Variants in AXDND1 observed in about 807,000 individuals in gnomAD.
AXDND1 encodes axonemal dynein light chain domain-containing protein 1.
Under a neutral mutation model 137.5 loss-of-function variants are expected in AXDND1, and 110 were observed. The observed-to-expected ratio is 0.80, with a 90% confidence interval of 0.69 to 0.94. AXDND1 has a LOEUF of 0.94. Ranked by LOEUF, AXDND1 falls within the 40% of genes least tolerant of loss-of-function variation. The pLI, the probability that AXDND1 is intolerant of heterozygous loss-of-function variation, is 0.00. For synonymous variants in AXDND1, 414 were observed against 399.7 expected (o/e 1.04, Z -0.43); for missense variants, 1,191 against 1,169.8 (o/e 1.02, Z -0.26).
intron 12 of AXDND1, among the ~76,000 whole-genome samples, chr1:179,412,000 C>T (rs1653976043): frequency 6.6e-6 from 1 of 152,072 alleles, no homozygotes; most frequent in South Asian, 2.1e-4. Context: ...TACAGGTGTG[C>T]ACCACCACTC....
chr1:179,406,044 A>G (rs1558131630), intron 11 of AXDND1, among the ~76,000 whole-genome samples: 1 of 152,030 alleles, frequency 6.6e-6, no homozygotes, highest in Non-Finnish European at 1.5e-5. Flanking sequence ...CTTTTGCATT[A>G]TCCCATAGGC....
At chr1:179,542,054 G>C (rs915539272) in intron 25 of AXDND1, among the ~76,000 whole-genome samples, 12 of 152,074 alleles carry the variant, frequency 7.9e-5, no homozygotes, top group African/African-American at 2.4e-5. Context: ...GGGTAATAGA[G>C]GTTTGTAGGA....
intron 4 of AXDND1, among the ~76,000 whole-genome samples, chr1:179,374,689 G>T (rs1203645268): frequency 6.6e-6 from 1 of 152,102 alleles, no homozygotes; most frequent in Admixed American, 6.6e-5. Context: ...CATGGATGAA[G>T]CTGGAAACCG....
At chr1:179,391,947 G>A (rs538470278) in intron 9 of AXDND1, among the ~76,000 whole-genome samples, 2 of 152,132 alleles carry the variant, frequency 1.3e-5, no homozygotes, top group South Asian at 4.1e-4. Flanking sequence ...TGCCATGATT[G>A]TAAGTTTCCT....
chr1:179,504,947 A>G (rs894331662), intron 20 of AXDND1, among the ~76,000 whole-genome samples: 1 of 152,226 alleles, frequency 6.6e-6, no homozygotes, highest in African/African-American at 2.4e-5. Context: ...TCTCAAGGGT[A>G]TATCAAGCGA....
chr1:179,441,437 C>A (rs1273251455), intron 15 of AXDND1, among the ~76,000 whole-genome samples: 1 of 152,216 alleles, frequency 6.6e-6, no homozygotes, highest in African/African-American at 2.4e-5. Context: ...AAGCTCAGTT[C>A]CTACATCCTG....
intron 25 of AXDND1, chr1:179,543,704 C>G (rs1257583967): frequency 6.6e-6 from 1 of 152,184 alleles, no homozygotes; most frequent in Non-Finnish European, 1.5e-5. Context: ...TGACCACATT[C>G]TGTCCTGCCC....
intron 17 of AXDND1, among the ~76,000 whole-genome samples, chr1:179,481,968 A>G (rs1665450849): frequency 6.6e-6 from 1 of 152,112 alleles, no homozygotes; most frequent in African/African-American, 2.4e-5. Flanking sequence ...TTTAACCTAT[A>G]TCTTGAATCT....
intron 17 of AXDND1, among the ~76,000 whole-genome samples, chr1:179,469,465 T>C (rs991030199): frequency 8.5e-5 from 13 of 152,254 alleles, no homozygotes; most frequent in Non-Finnish European, 1.9e-4. Flanking sequence ...AATGTTTCAA[T>C]AAACATTCAT....
intron 12 of AXDND1, 53 bp from the exon 13 acceptor site, chr1:179,429,465 A>G: frequency 2.2e-6 from 2 of 924,358 alleles, no homozygotes; most frequent in Non-Finnish European, 3.2e-6. Context: ...GTAATAAATT[A>G]TAGTGGTTTG....
intron 18 of AXDND1, among the ~76,000 whole-genome samples, chr1:179,490,765 T>TG (rs1553293390): frequency 6.6e-6 from 1 of 151,694 alleles, no homozygotes; most frequent in Non-Finnish European, 1.5e-5. Context: ...AGTACTTGTT[T>TG]TTTTTTTTTT....
intron 17 of AXDND1, among the ~76,000 whole-genome samples, chr1:179,482,866 T>C (rs1309087152): frequency 6.6e-6 from 1 of 151,460 alleles, no homozygotes; most frequent in Non-Finnish European, 1.5e-5. Flanking sequence ...GTTTTTACAG[T>C]AGAGAGCTAA....
At chr1:179,439,203 G>C (rs1275619663) in intron 15 of AXDND1, among the ~76,000 whole-genome samples, 1 of 152,172 alleles carries the variant, frequency 6.6e-6, no homozygotes. Context: ...CTATTGAATG[G>C]AATCTATTCT....
intron 7 of AXDND1, among the ~76,000 whole-genome samples, chr1:179,383,116 T>C (rs1444129008): frequency 6.6e-6 from 1 of 152,062 alleles, no homozygotes; most frequent in Non-Finnish European, 1.5e-5. Flanking sequence ...AGGTAACCAA[T>C]GTTAAAAGTT....
chr1:179,393,470 G>T (rs536415000), intron 9 of AXDND1, among the ~76,000 whole-genome samples: 13 of 150,086 alleles, frequency 8.7e-5, no homozygotes, highest in African/African-American at 2.5e-4. Flanking sequence ...GGTTCCATAT[G>T]AATTTTAGGA....
chr1:179,411,055 C>A, intron 11 of AXDND1, 91 bp from the exon 12 acceptor site: 1 of 1,019,450 alleles, frequency 9.8e-7, no homozygotes, highest in East Asian at 3.0e-5. Context: ...AACACATTAC[C>A]TATTTTAAAA....
chr1:179,538,911 T>C (rs540400891), intron 25 of AXDND1, among the ~76,000 whole-genome samples: 1 of 151,492 alleles, frequency 6.6e-6, no homozygotes, highest in Non-Finnish European at 1.5e-5. Context: ...GAGAGTTAGC[T>C]CTTGTTGTTG....
chr1:179,551,597 G>C, intron 25 of AXDND1: 6 of 897,900 alleles, frequency 6.7e-6, no homozygotes, highest in Non-Finnish European at 1.0e-5. Flanking sequence ...TCTTCTTTCT[G>C]AAGGGTCTTG....
chr1:179,488,726 TTCTC>T lies in AXDND1; in HGVS notation c.2092-2802_2092-2799del, dbSNP rs1286734834. 2.7e-4 allele frequency among the ~76,000 whole-genome samples: 25 copies of T among 91,954 alleles called. 2 individuals are homozygous for T. Among genetic ancestry groups the T allele is most frequent in the African/African-American group, 9.8e-4 (25 of 25,608 alleles). The allele number at this position is 91,954 out of a possible 152,430, so 60.3% of individuals were successfully genotyped here. ...TCTCTCTGTCTCTCTCTCTCTTTCT[TTCTC>T]TCTCTCTCTTTCTTTTTTTTTTGAA... On this transcript the variant is annotated intron_variant, in intron 18 of 25. Coordinates refer to ENST00000367618, the MANE Select transcript of AXDND1 (RefSeq NM_144696.6).
Sources: allele counts gnomAD v4.1 joint callset (sites outside exome capture counted in the v4.1 genomes callset), GRCh38; gene constraint gnomAD v4.1.1; transcripts MANE v1.5; gene names NCBI Gene and HGNC (gene_info 2026-07-23, HGNC 2026-07-21).